Variants in CMIP observed in about 807,000 individuals in gnomAD.
CMIP encodes the protein C-Maf-inducing protein.
In CMIP, 13 loss-of-function variants were observed where a neutral mutation model predicts 97.3. The observed-to-expected ratio is 0.13, with a 90% CI of 0.09 to 0.21. The LOEUF is 0.21. Among genes scored for constraint, CMIP ranks in the 10% least tolerant of loss-of-function variants. CMIP has a pLI of 1.00. For missense variants in CMIP, 847 were observed against 1,024.9 expected (o/e 0.83, Z 2.37); for synonymous variants, 538 against 436.3 (o/e 1.23, Z -2.91).
chr16:81,678,753 G>C (rs1904558621), intron 10 of CMIP, 125 bp downstream of exon 10: 2 of 604,474 alleles, frequency 3.3e-6, no homozygotes, highest in East Asian at 5.5e-5. Context: ...TGGCTTGTGT[G>C]TGAGTGCACA....
At chr16:81,667,799 A>AGAGAGAGAGAGAGAGTGTGTGTGTGTGT in intron 7 of CMIP, among the ~76,000 whole-genome samples, 4 of 58,134 alleles carry the variant, frequency 6.9e-5, no homozygotes, top group Non-Finnish European at 1.3e-4. Context: ...AGAGAGAGAG[A>AGAGAGAGAGAGAGAGTGTGTGTGTGTGT]GTGTGTGTGT....
At chr16:81,512,498 C>G (rs1016042873) in intron 1 of CMIP, among the ~76,000 whole-genome samples, 3 of 152,182 alleles carry the variant, frequency 2.0e-5, no homozygotes, top group East Asian at 1.9e-4. Context: ...ATGGGATCAT[C>G]CGAAGAAGGG....
rs1392303019 is a variant in CMIP at position 81,702,682 on chromosome 16, G to C, written c.1944+13G>C. The C allele has an allele frequency of 1.2e-6, 2 of 1,611,832 alleles. No individual in the cohort carries two copies. Among genetic ancestry groups the C allele is most frequent in the Non-Finnish European group, 1.7e-6 (2 of 1,178,668 alleles). On this transcript the variant is annotated intron_variant, in intron 17 of 20. Transcript: ENST00000537098. ...CTCCAAGTCCACAGTGAGTTGGTTT[G>C]GTTCTCTTTGGGGCTGGATGGAGAA...
In CMIP at chr16:81,657,632, G is replaced by C. The variant is rs527277483; in HGVS notation, c.640-143G>C. On this transcript the variant is annotated intron_variant, in intron 4 of 20. Transcript: ENST00000537098. ...CTTGCCCCTGAGGGTGTTCTGATCT[G>C]TTTAATTAAGAAAAAATGACAGTGA... 7.2e-6 allele frequency: 5 copies of C among 692,454 alleles called. No individual in the cohort carries two copies. In the African/African-American group the frequency reaches 7.2e-5, roughly 10 times the overall value. The allele number at this position is 692,454 out of a possible 1,614,324, so 42.9% of individuals were successfully genotyped here.
chr16:81,460,197 C>G (rs1347066214), intron 1 of CMIP, among the ~76,000 whole-genome samples: 1 of 152,148 alleles, frequency 6.6e-6, no homozygotes, highest in African/African-American at 2.4e-5. Flanking sequence ...ACCCCACCCT[C>G]CATTCTTTTC....
chr16:81,682,186 A>G (rs1254032863), intron 10 of CMIP, among the ~76,000 whole-genome samples: 1 of 152,094 alleles, frequency 6.6e-6, no homozygotes, highest in East Asian at 1.9e-4. Context: ...GCTGGGTGAC[A>G]GAGCAAGACT....
At chr16:81,518,835 ATTTTTTTTTT>A (rs35435211) in intron 1 of CMIP, 1 of 123,356 alleles carries the variant, frequency 8.1e-6, no homozygotes, top group African/African-American at 3.1e-5. Flanking sequence ...CTGCATCTCT[ATTTTTTTTTT>A]TTTTTTTTTG....
At chr16:81,659,185 C>T (rs1046372744) in intron 5 of CMIP, among the ~76,000 whole-genome samples, 3 of 152,354 alleles carry the variant, frequency 2.0e-5, no homozygotes, top group African/African-American at 7.2e-5. Context: ...ATTAATTCAT[C>T]AATTCATTTA....
intron 1 of CMIP, among the ~76,000 whole-genome samples, chr16:81,570,389 G>A (rs1470044307): frequency 1.3e-5 from 2 of 152,140 alleles, no homozygotes; most frequent in East Asian, 1.9e-4. Context: ...GCACACTGGC[G>A]GTGAACCTGG....
At chr16:81,537,503 C>G (rs1456914966) in intron 1 of CMIP, among the ~76,000 whole-genome samples, 3 of 144,020 alleles carry the variant, frequency 2.1e-5, no homozygotes, top group Admixed American at 7.3e-5. Flanking sequence ...CCACCGTACT[C>G]CAGCTTGGGT....
At chr16:81,578,692 C>T (rs1052885401) in intron 1 of CMIP, among the ~76,000 whole-genome samples, 1 of 152,204 alleles carries the variant, frequency 6.6e-6, no homozygotes, top group African/African-American at 2.4e-5. Flanking sequence ...GTTTTTTGCA[C>T]GTGGGAGACA....
At chr16:81,541,519 G>A (rs1354996023) in intron 1 of CMIP, among the ~76,000 whole-genome samples, 1 of 152,172 alleles carries the variant, frequency 6.6e-6, no homozygotes, top group Non-Finnish European at 1.5e-5. Flanking sequence ...CATGAGTTGA[G>A]CTGTTTGTTT....
In CMIP at chr16:81,484,596, G is replaced by A. The variant is rs1213382028; in HGVS notation, c.300+39055G>A. Among the ~76,000 whole-genome samples the A allele has an allele frequency of 2.0e-5, 3 of 151,918 alleles. No homozygotes were observed. The East Asian group carries it at 5.8e-4, about 29-fold the overall frequency. On this transcript the variant is annotated intron_variant, in intron 1 of 20. Transcript: ENST00000537098. Reference sequence around the variant, plus strand: ...AGGCAGGAGTGGGTTTTTGTAGTGGGGTCATTGGGTAATCATCTCCGGCTC... The same window carrying A: ...AGGCAGGAGTGGGTTTTTGTAGTGGAGTCATTGGGTAATCATCTCCGGCTC...
rs1161846120 is a variant in CMIP, at chr16:81,655,865, T to C, written c.640-1910T>C. Among the ~76,000 whole-genome samples the C allele has an allele frequency of 1.3e-5, 2 of 152,112 alleles. No homozygotes were observed. The highest frequency in any genetic ancestry group is 4.8e-5 in the African/African-American group (2 of 41,398). ...GGCAGCTGATCAGTCAATGGGATAG[T>C]AGAGAACCTGTCATAATCAAAAGAA... On this transcript the variant is annotated intron_variant, in intron 4 of 20. Transcript: ENST00000537098. The surrounding 1 kb of genome is among the most constrained non-coding windows in gnomAD (Gnocchi z 4.9).
intron 5 of CMIP, 118 bp from the exon 6 acceptor site, chr16:81,660,766 G>T: frequency 9.8e-7 from 1 of 1,024,870 alleles, no homozygotes; most frequent in South Asian, 1.3e-5. Flanking sequence ...ATGATGTGAT[G>T]CAGGATGTGT....
In CMIP at chr16:81,683,495, T is replaced by A. The variant is rs181108694; in HGVS notation, c.1388+4867T>A. Reference sequence around the variant, plus strand: ...ACCTCTGCCCCCCAGGTTCAAGCCATTCTCCTGCCTCAGCCTCCCCAGTAG... The same window carrying A: ...ACCTCTGCCCCCCAGGTTCAAGCCAATCTCCTGCCTCAGCCTCCCCAGTAG... On this transcript the variant is annotated intron_variant, in intron 10 of 20. Coordinates refer to ENST00000537098, the MANE Select transcript of CMIP (RefSeq NM_198390.3). Among the ~76,000 whole-genome samples, 877 of 152,266 alleles carry A rather than the reference T, an allele frequency of 5.8e-3. 31 individuals carry two copies. Among genetic ancestry groups the A allele is most frequent in the Admixed American group, 0.054 (828 of 15,284 alleles).
intron 19 of CMIP, 101 bp downstream of exon 19, chr16:81,705,705 A>G: frequency 1.4e-6 from 1 of 709,240 alleles, no homozygotes; most frequent in Non-Finnish European, 2.3e-6. Context: ...CCATGCACAG[A>G]TAGAGAAATT....
intron 9 of CMIP, among the ~76,000 whole-genome samples, chr16:81,672,687 C>T (rs1217356828): frequency 6.6e-6 from 1 of 152,194 alleles, no homozygotes; most frequent in Non-Finnish European, 1.5e-5. Context: ...GCCGTCCTCC[C>T]ACCTCAGCCT....
chr16:81,461,658 A>G (rs991333351), intron 1 of CMIP, among the ~76,000 whole-genome samples: 25 of 152,166 alleles, frequency 1.6e-4, no homozygotes, highest in African/African-American at 5.8e-4. Flanking sequence ...TCTCCACACC[A>G]GGGTGTTCGC....
Sources: allele counts gnomAD v4.1 joint callset (sites outside exome capture counted in the v4.1 genomes callset), GRCh38; gene constraint gnomAD v4.1.1; non-coding constraint Gnocchi (gnomAD v3.1); transcripts MANE v1.5; gene names NCBI Gene and HGNC (gene_info 2026-07-23, HGNC 2026-07-21).